SH3BP4: variants seen among roughly 807,000 people sequenced by gnomAD.
SH3BP4 encodes the protein SH3 domain binding protein 4.
SH3BP4 carries 33 observed loss-of-function variants against 65.5 expected under a neutral mutation model. That is an observed-to-expected ratio of 0.50 (90% confidence interval 0.38 to 0.67). The LOEUF is 0.67. SH3BP4 is among the 30% of genes least tolerant of loss of function. The probability of loss-of-function intolerance (pLI) is 0.00; values close to 1 mark genes in which losing one functional copy is unlikely to be tolerated. For missense variants in SH3BP4, 1,134 were observed against 1,261.4 expected, an observed-to-expected ratio of 0.90 and a Z score of 1.53; for synonymous variants, 552 against 545.5, an observed-to-expected ratio of 1.01 and a Z score of -0.17.
chr2:234,970,415 A>G (rs992344610), intron 1 of SH3BP4, among the ~76,000 whole-genome samples: 1 of 152,214 alleles, frequency 6.6e-6, no homozygotes, highest in South Asian at 2.1e-4. Context: ...TAATTTTAAA[A>G]GCATCCTAGG....
At chr2:234,956,420 C>T (rs1362243199) in intron 1 of SH3BP4, among the ~76,000 whole-genome samples, 1 of 152,152 alleles carries the variant, frequency 6.6e-6, no homozygotes, top group Non-Finnish European at 1.5e-5. Context: ...GCAATAAAAG[C>T]TTATCTCAGG....
At chr2:235,044,960 G>T (rs1271772262) in intron 4 of SH3BP4, among the ~76,000 whole-genome samples, 1 of 152,202 alleles carries the variant, frequency 6.6e-6, no homozygotes, top group Non-Finnish European at 1.5e-5. Flanking sequence ...CACTGCACTT[G>T]GGTGGGGAGG....
At chr2:234,980,645 T>C (rs575617797) in intron 1 of SH3BP4, among the ~76,000 whole-genome samples, 57 of 152,346 alleles carry the variant, frequency 3.7e-4, no homozygotes, top group African/African-American at 1.3e-3. Context: ...GGGCCTTGGC[T>C]GCCAGTCCAG....
intron 2 of SH3BP4, among the ~76,000 whole-genome samples, chr2:235,021,144 C>T (rs1439032519): frequency 1.3e-5 from 2 of 152,194 alleles, no homozygotes; most frequent in Non-Finnish European, 2.9e-5. Context: ...CTCTGCCCTA[C>T]ACTGCTCTGG....
At chr2:234,969,941 A>G (rs1488130551) in intron 1 of SH3BP4, among the ~76,000 whole-genome samples, 1 of 150,884 alleles carries the variant, frequency 6.6e-6, no homozygotes, top group Non-Finnish European at 1.5e-5. Context: ...TTGCATACAC[A>G]CACACTCCCT....
At chr2:234,993,826 T>C (rs11889801) in intron 1 of SH3BP4, among the ~76,000 whole-genome samples, 77,532 of 152,080 alleles carry the variant, frequency 0.51, 23,471 homozygotes, top group African/African-American at 0.82. Context: ...CTGCCGAGAA[T>C]GGGGCCGCCT....
chr2:235,038,257 A>ATG (rs1189896674), intron 3 of SH3BP4, among the ~76,000 whole-genome samples: 1 of 43,988 alleles, frequency 2.3e-5, no homozygotes, highest in Non-Finnish European at 3.9e-5. Context: ...TATTATATAT[A>ATG]ATATATATTA....
chr2:234,975,048 A>C (rs1693129035), intron 1 of SH3BP4, among the ~76,000 whole-genome samples: 1 of 152,178 alleles, frequency 6.6e-6, no homozygotes, highest in African/African-American at 2.4e-5. Flanking sequence ...GAGTTTCAGG[A>C]ACTGGACAGG....
rs1693736641 is a variant in SH3BP4 at position 234,991,179 on chromosome 2, A to G, written c.-206-4124A>G. The stretch of plus-strand genomic sequence containing the variant: ...CTGTCTTGGTGACTGTCCTGGAATG[A>G]GGATTTAGGACACAGTGGTCATCTC... On this transcript the variant is annotated intron_variant, in intron 1 of 5. Transcript: ENST00000392011. This position sits in a 1 kb window ranked among gnomAD's most constrained non-coding sequence, Gnocchi z 4.2. Among the ~76,000 whole-genome samples the G allele has an allele frequency of 6.6e-6, 1 of 152,096 alleles. No homozygotes were observed. The highest frequency in any genetic ancestry group is 1.5e-5 in the Non-Finnish European group (1 of 68,012).
intron 2 of SH3BP4, among the ~76,000 whole-genome samples, chr2:235,010,753 C>T (rs911684152): frequency 2.1e-5 from 2 of 95,968 alleles, no homozygotes; most frequent in Non-Finnish European, 4.2e-5. Context: ...AAGGACAACC[C>T]TTCCTCCCTC....
At chr2:235,012,418 G>A (rs1250423846) in intron 2 of SH3BP4, among the ~76,000 whole-genome samples, 8 of 152,232 alleles carry the variant, frequency 5.3e-5, no homozygotes, top group African/African-American at 1.2e-4. Context: ...CCGAGGGGAC[G>A]CCTGAGTTGT....
intron 4 of SH3BP4, among the ~76,000 whole-genome samples, chr2:235,044,314 C>G (rs1433996348): frequency 6.6e-6 from 1 of 152,234 alleles, no homozygotes; most frequent in East Asian, 1.9e-4. Flanking sequence ...ACGAGCCAAC[C>G]GGGGAGCATT....
At position 235,053,673 on chromosome 2, in the gene SH3BP4, C is replaced by G. The variant is rs1311412069; in HGVS notation, c.2749C>G (p.Leu917Val). The change falls in exon 6 of 6, where the codon CTG (leucine) becomes GTG (valine). Residue 917 changes from leucine (L) to valine (V), a missense_variant. Transcript: ENST00000392011. Reference sequence around the variant, plus strand: ...CAGCTACCGGGATGTCATCCAGGAGCTGCACCTGGGCCTGGACAAGATGAA... The same window carrying G: ...CAGCTACCGGGATGTCATCCAGGAGGTGCACCTGGGCCTGGACAAGATGAA... Reference protein sequence around the residue: ...GDSYRDVIQELHLGLDKMKNP... With the variant: ...GDSYRDVIQEVHLGLDKMKNP... 6.2e-7 allele frequency: 1 copy of G among 1,614,200 alleles called. No homozygotes were observed. The highest frequency in any genetic ancestry group is 1.1e-5 in the South Asian group (1 of 91,088).
Position 234,985,265 on chromosome 2 carries a change from A to G in SH3BP4, c.-206-10038A>G, listed in dbSNP as rs573213572. Reference sequence around the variant, plus strand: ...GTCCCCTGGGAGTCATAAGAAAGGCACATAGTTTAGCTCCATCCACCAAGA... The same window carrying G: ...GTCCCCTGGGAGTCATAAGAAAGGCGCATAGTTTAGCTCCATCCACCAAGA... On this transcript the variant is annotated intron_variant, in intron 1 of 5. Coordinates refer to ENST00000392011, the MANE Select transcript of SH3BP4 (RefSeq NM_014521.3). Among the ~76,000 whole-genome samples, 38 of 152,350 alleles carry G rather than the reference A, an allele frequency of 2.5e-4. No homozygotes were observed. In the South Asian group the frequency reaches 7.7e-3, roughly 31 times the overall value.
In SH3BP4 at chr2:234,953,913, C is replaced by T. The variant is rs181407001; in HGVS notation, c.-207+1743C>T. ...CTCCAATCCCCCTCCTCCACCTCTG[C>T]TTTCTGCTTGTAGGCGGATTTCTTA... On this transcript the variant is annotated intron_variant, in intron 1 of 5. Transcript: ENST00000392011. 1.3e-3 allele frequency among the ~76,000 whole-genome samples: 196 copies of T among 151,944 alleles called. 1 individual carries two copies. The highest frequency in any genetic ancestry group is 4.6e-3 in the African/African-American group (192 of 41,470).
At chr2:235,038,585 G>C (rs138215335) in intron 3 of SH3BP4, among the ~76,000 whole-genome samples, 106 of 151,176 alleles carry the variant, frequency 7.0e-4, no homozygotes, top group Admixed American at 1.5e-3. Flanking sequence ...TTAAACCTGA[G>C]GGATTTGATG....
At chr2:235,031,829 G>A (rs1695211674) in intron 2 of SH3BP4, among the ~76,000 whole-genome samples, 1 of 152,258 alleles carries the variant, frequency 6.6e-6, no homozygotes. Flanking sequence ...CCCCACCAGG[G>A]CTGGCGATGC....
At chr2:234,979,449 T>C (rs1693283029) in intron 1 of SH3BP4, 1 of 152,240 alleles carries the variant, frequency 6.6e-6, no homozygotes, top group Non-Finnish European at 1.5e-5. Flanking sequence ...TTTATGTACA[T>C]GGAATCATGC....
chr2:235,049,573 C>T (rs899776872), intron 4 of SH3BP4, among the ~76,000 whole-genome samples: 2 of 152,230 alleles, frequency 1.3e-5, no homozygotes, highest in Non-Finnish European at 2.9e-5. Flanking sequence ...GCTAACTACA[C>T]ACCCTCCTGA....
Sources: allele counts gnomAD v4.1 joint callset (sites outside exome capture counted in the v4.1 genomes callset), GRCh38; gene constraint gnomAD v4.1.1; non-coding constraint Gnocchi (gnomAD v3.1); transcripts MANE v1.5; gene names NCBI Gene and HGNC (gene_info 2026-07-23, HGNC 2026-07-21).